Variants in RARS1 observed in about 807,000 individuals in gnomAD.
The protein encoded by RARS1 is arginine--tRNA ligase, cytoplasmic.
Under a neutral mutation model 78.7 loss-of-function variants are expected in RARS1, and 75 were observed. The observed-to-expected ratio is 0.95, with a 90% confidence interval of 0.79 to 1.15. The LOEUF (loss-of-function observed/expected upper bound fraction) is 1.15, where lower values mean the gene tolerates loss of function less well. Among genes scored for constraint, RARS1 ranks in the 50% most tolerant of loss-of-function variants. The pLI is 0.00. For missense variants in RARS1, 787 were observed against 787.5 expected (o/e 1.00, Z 0.01); for synonymous variants, 273 against 268.2 (o/e 1.02, Z -0.18).
intron 2 of RARS1, among the ~76,000 whole-genome samples, chr5:168,491,636 T>C (rs1472343456): frequency 2.0e-5 from 3 of 152,238 alleles, no homozygotes; most frequent in African/African-American, 7.2e-5. Context: ...TTTCCACTTA[T>C]TCTGTCTTGT....
chr5:168,500,766 A>G, intron 8 of RARS1, 46 bp downstream of exon 8: 1 of 1,583,024 alleles, frequency 6.3e-7, no homozygotes, highest in Non-Finnish European at 8.6e-7. Context: ...TACTATGTAT[A>G]TCATTTCCTG....
At position 168,492,452 on chromosome 5, in the gene RARS1, T is replaced by C. The variant is rs75218784; in HGVS notation, c.181-207T>C. ...ATGCAAAAAGTAAGACCTCAGGGCA[T>C]TTCCCATGGATGTCTTAGATGCCGT... is the stretch of plus-strand genomic sequence containing the variant. On this transcript the variant is annotated intron_variant, in intron 2 of 14. Transcript: ENST00000231572. Among the ~76,000 whole-genome samples, 643 of 152,310 alleles carry C rather than the reference T, an allele frequency of 4.2e-3. 15 individuals carry two copies. Among genetic ancestry groups the C allele is most frequent in the East Asian group, 0.021 (107 of 5,192 alleles).
At chr5:168,494,758 G>A in intron 5 of RARS1, 108 bp downstream of exon 5, 2 of 791,526 alleles carry the variant, frequency 2.5e-6, no homozygotes, top group Admixed American at 2.3e-5. Flanking sequence ...GAAGCAGGAG[G>A]ATTGCTTGAG....
At chr5:168,497,093 G>A (rs1025542440) in intron 6 of RARS1, 135 bp from the exon 7 acceptor site, 9 of 674,966 alleles carry the variant, frequency 1.3e-5, no homozygotes, top group Non-Finnish European at 2.0e-5. Context: ...AAACAACCAA[G>A]TAAACAGATA....
intron 12 of RARS1, among the ~76,000 whole-genome samples, chr5:168,516,405 G>A (rs1395931821): frequency 6.6e-6 from 1 of 151,814 alleles, no homozygotes; most frequent in Non-Finnish European, 1.5e-5. Flanking sequence ...CTTTTTGTTT[G>A]TATTTTTTGG....
chr5:168,496,039 C>T (rs1250192980), intron 6 of RARS1, among the ~76,000 whole-genome samples: 2 of 151,934 alleles, frequency 1.3e-5, no homozygotes, highest in Non-Finnish European at 2.9e-5. Flanking sequence ...TTAAAGATTA[C>T]TCTGGTTACT....
intron 12 of RARS1, among the ~76,000 whole-genome samples, chr5:168,516,071 A>G (rs2113036265): frequency 6.6e-6 from 1 of 152,258 alleles, no homozygotes; most frequent in Non-Finnish European, 1.5e-5. Flanking sequence ...CCCTTGGGGA[A>G]AAAGCCAAGT....
intron 1 of RARS1, 59 bp from the exon 2 acceptor site, chr5:168,488,543 A>G: frequency 6.5e-7 from 1 of 1,530,854 alleles, no homozygotes; most frequent in Non-Finnish European, 8.8e-7. Flanking sequence ...ACGCCTTGGT[A>G]GAGAGGGGAA....
intron 11 of RARS1, among the ~76,000 whole-genome samples, chr5:168,508,814 C>A (rs928828775): frequency 6.6e-6 from 1 of 152,060 alleles, no homozygotes; most frequent in South Asian, 2.1e-4. Context: ...ATGTGCTGTG[C>A]ATGGTGTTGG....
At chr5:168,490,174 C>T (rs1245606165) in intron 2 of RARS1, among the ~76,000 whole-genome samples, 1 of 152,196 alleles carries the variant, frequency 6.6e-6, no homozygotes, top group Non-Finnish European at 1.5e-5. Flanking sequence ...ATGTGATCTG[C>T]TGTGCTTGTC....
intron 3 of RARS1, 195 bp downstream of exon 3, chr5:168,493,042 A>C: frequency 2.0e-6 from 1 of 504,964 alleles, no homozygotes; most frequent in Non-Finnish European, 3.5e-6. Flanking sequence ...AGGTTTGGTT[A>C]AATTTTATAT....
chr5:168,492,527 A>T, intron 2 of RARS1, 132 bp from the exon 3 acceptor site: 1 of 725,298 alleles, frequency 1.4e-6, no homozygotes, highest in East Asian at 2.7e-5. Context: ...GATTGAGGGC[A>T]TCACACCATA....
In RARS1 at chr5:168,516,923, A is replaced by G. The variant is rs377119659; in HGVS notation, c.1598A>G (p.Tyr533Cys). The part of the protein sequence containing the change: ...MLDDRGNTAA[Y>C]LLYAFTRIRS... ...GATGACAGAGGAAATACAGCTGCTT[A>G]CTTGTTGTATGCCTTCACTAGAATC... Residue 533 changes from tyrosine (Y) to cysteine (C), a missense_variant, in exon 13 of 15, where the codon TAC becomes TGC. Coordinates refer to ENST00000231572, the MANE Select transcript of RARS1 (RefSeq NM_002887.4). The G allele has an allele frequency of 1.9e-6, 3 of 1,614,108 alleles. No individual in the cohort carries two copies. Among genetic ancestry groups the G allele is most frequent in the South Asian group, 1.1e-5 (1 of 91,086 alleles).
Position 168,500,650 on chromosome 5 carries a change from A to G in RARS1, c.882A>G (p.Val294=), listed in dbSNP as rs764008313. The change falls in exon 8 of 15, where the codon GTA becomes GTG. Residue 294 remains valine (V), a synonymous_variant. Transcript: ENST00000231572. The part of the protein sequence containing the change: ...EEFKKRAYQC[V]VLLQGKNPDI... ...TTAAGAAGCGAGCATATCAGTGTGT[A>G]GTTCTGCTCCAGGGTAAAAACCCAG... The G allele has an allele frequency of 6.2e-6, 10 of 1,610,212 alleles. No individual in the cohort carries two copies. In the Admixed American group the frequency reaches 1.4e-4, roughly 22 times the overall value.
At chr5:168,487,229 T>TGG (rs57885645) in intron 1 of RARS1, among the ~76,000 whole-genome samples, 196 of 151,506 alleles carry the variant, frequency 1.3e-3, no homozygotes, top group South Asian at 2.5e-3. Context: ...CCGGCTGTGT[T>TGG]GGGGGGGGTC....
In RARS1 at chr5:168,516,823, T is replaced by C. The variant is rs1180422389; in HGVS notation, c.1498T>C (p.Tyr500His). Residue 500 changes from tyrosine (Y) to histidine (H), a missense_variant, in exon 13 of 15, where the codon TAT becomes CAT. Physicochemically the swap from Tyr to His is moderately conservative, Grantham distance 83. Transcript: ENST00000231572. ...GAATGCTGCTCAGACATCCGTTGCG[T>C]ATGGCTGCATCAAATATGCTGACCT... ...ELNAAQTSVA[Y>H]GCIKYADLSH... is the part of the protein sequence containing the mutation. The C allele has an allele frequency of 6.2e-7, 1 of 1,614,204 alleles. No homozygotes were observed. Among genetic ancestry groups the C allele is most frequent in the Non-Finnish European group, 8.5e-7 (1 of 1,180,038 alleles).
In RARS1 at chr5:168,510,574, T is replaced by G. The variant is rs762224723; in HGVS notation, c.1347-7T>G. Reference sequence around the variant, plus strand: ...CAAAATCTGATTGGGGGTTTTACATTTTTTAGGAAAAAGTTTAAAACACGT... The same window carrying G: ...CAAAATCTGATTGGGGGTTTTACATGTTTTAGGAAAAAGTTTAAAACACGT... On this transcript the variant is annotated splice_region_variant and splice_polypyrimidine_tract_variant and intron_variant, in intron 11 of 14. Coordinates refer to ENST00000231572, the MANE Select transcript of RARS1 (RefSeq NM_002887.4). 1.9e-5 allele frequency: 30 copies of G among 1,600,560 alleles called. No homozygotes were observed. In the South Asian group the frequency reaches 3.3e-4, roughly 18 times the overall value.
intron 6 of RARS1, among the ~76,000 whole-genome samples, chr5:168,496,815 G>A (rs1758201369): frequency 6.6e-6 from 1 of 152,134 alleles, no homozygotes; most frequent in Admixed American, 6.5e-5. Flanking sequence ...TTTGTTCATT[G>A]ATATTTGGGA....
At chr5:168,495,563 T>A in intron 6 of RARS1, 127 bp downstream of exon 6, 1 of 1,382,042 alleles carries the variant, frequency 7.2e-7, no homozygotes, top group Non-Finnish European at 9.6e-7. Context: ...AGCTTAGTTC[T>A]TCTTTACAAC....
Sources: allele counts gnomAD v4.1 joint callset (sites outside exome capture counted in the v4.1 genomes callset), GRCh38; gene constraint gnomAD v4.1.1; transcripts MANE v1.5; gene names NCBI Gene and HGNC (gene_info 2026-07-23, HGNC 2026-07-21).